Variants in TBC1D5 observed in about 807,000 individuals in gnomAD.
TBC1D5 encodes the protein TBC1 domain family, member 5.
Under a neutral mutation model 100.3 loss-of-function variants are expected in TBC1D5, and 75 were observed. That is an observed-to-expected ratio of 0.75 (90% CI 0.62 to 0.91). The LOEUF is 0.91. Ranked by LOEUF, TBC1D5 falls within the 40% of genes least tolerant of loss-of-function variation. TBC1D5 has a pLI of 0.00. For synonymous variants in TBC1D5, 323 were observed against 325.6 expected (o/e 0.99, Z 0.09); for missense variants, 910 against 942.4 (o/e 0.97, Z 0.45).
intron 13 of TBC1D5, among the ~76,000 whole-genome samples, chr3:17,329,211 T>C (rs965870550): frequency 6.6e-6 from 1 of 152,244 alleles, no homozygotes; most frequent in Non-Finnish European, 1.5e-5. Flanking sequence ...TGGTGATAAC[T>C]TGATTACTTC....
At chr3:17,693,858 T>C (rs1430814254) in intron 1 of TBC1D5, among the ~76,000 whole-genome samples, 1 of 152,002 alleles carries the variant, frequency 6.6e-6, no homozygotes, top group Non-Finnish European at 1.5e-5. Flanking sequence ...TATAAGCGGG[T>C]GCCCCTCTGG....
At chr3:17,410,240 T>C (rs2093886723) in intron 4 of TBC1D5, among the ~76,000 whole-genome samples, 2 of 152,168 alleles carry the variant, frequency 1.3e-5, no homozygotes, top group Non-Finnish European at 2.9e-5. Context: ...GCATATCTGT[T>C]TGCAACATGG....
intron 2 of TBC1D5, among the ~76,000 whole-genome samples, chr3:17,517,885 A>G (rs1239839596): frequency 6.6e-6 from 1 of 152,184 alleles, no homozygotes; most frequent in East Asian, 1.9e-4. Flanking sequence ...AAAAAAAATT[A>G]TATGTATTTC....
At chr3:17,520,363 TGAC>T (rs1224095129) in intron 2 of TBC1D5, among the ~76,000 whole-genome samples, 1 of 152,150 alleles carries the variant, frequency 6.6e-6, no homozygotes, top group East Asian at 1.9e-4. Context: ...GGAAGAGAAA[TGAC>T]GAAGAGAAAG....
chr3:17,222,528 C>G (rs1189970385), intron 17 of TBC1D5, among the ~76,000 whole-genome samples: 2 of 152,098 alleles, frequency 1.3e-5, no homozygotes, highest in Non-Finnish European at 2.9e-5. Context: ...GAATAAGATA[C>G]TAGTTCAAAA....
At chr3:17,727,102 G>C (rs1480388497) in intron 1 of TBC1D5, among the ~76,000 whole-genome samples, 1 of 152,196 alleles carries the variant, frequency 6.6e-6, no homozygotes, top group Admixed American at 6.5e-5. Flanking sequence ...ACAAAAATTG[G>C]CCGGACACAG....
intron 2 of TBC1D5, among the ~76,000 whole-genome samples, chr3:17,559,117 A>G (rs995195447): frequency 4.0e-5 from 6 of 149,666 alleles, no homozygotes; most frequent in Non-Finnish European, 5.9e-5. Flanking sequence ...TAAATAAATA[A>G]GACTTCATTT....
intron 3 of TBC1D5, among the ~76,000 whole-genome samples, chr3:17,455,996 C>T (rs1408262617): frequency 1.3e-5 from 2 of 152,092 alleles, no homozygotes; most frequent in Non-Finnish European, 2.9e-5. Flanking sequence ...CAAACCCACC[C>T]TCCTACATGG....
At chr3:17,288,320 T>C (rs1000540029) in intron 15 of TBC1D5, among the ~76,000 whole-genome samples, 5 of 152,200 alleles carry the variant, frequency 3.3e-5, no homozygotes, top group African/African-American at 1.2e-4. Context: ...TTCATTGTAA[T>C]GGTGGCAGAA....
At chr3:17,674,774 T>C (rs967361176) in intron 1 of TBC1D5, among the ~76,000 whole-genome samples, 2 of 152,040 alleles carry the variant, frequency 1.3e-5, no homozygotes, top group Non-Finnish European at 2.9e-5. Flanking sequence ...CAATAAAAGA[T>C]GGAAGTTGGG....
At chr3:17,701,328 G>C (rs945692346) in intron 1 of TBC1D5, among the ~76,000 whole-genome samples, 1 of 152,136 alleles carries the variant, frequency 6.6e-6, no homozygotes, top group Non-Finnish European at 1.5e-5. Flanking sequence ...GCCTGTTAGG[G>C]GGTAGGGGGC....
Position 17,702,537 on chromosome 3 carries a change from T to C in TBC1D5, c.-101+36806A>G, listed in dbSNP as rs544244556. Among the ~76,000 whole-genome samples the C allele has an allele frequency of 3.9e-5, 6 of 152,166 alleles. No individual in the cohort carries two copies. In the East Asian group the frequency reaches 9.6e-4, roughly 24 times the overall value. On this transcript the variant is annotated intron_variant, in intron 1 of 21. Transcript: ENST00000253692. ...AGGATACATAAATTGAATGTAACAATGTAAAGAGAAAAAGATGTCCAAAAT... is the reference window on the plus strand; with the variant it reads ...AGGATACATAAATTGAATGTAACAACGTAAAGAGAAAAAGATGTCCAAAAT...
intron 13 of TBC1D5, among the ~76,000 whole-genome samples, chr3:17,315,064 T>C (rs2084511485): frequency 1.3e-5 from 2 of 152,216 alleles, no homozygotes; most frequent in South Asian, 4.1e-4. Flanking sequence ...CTGATGCTGC[T>C]CGTGTGGGAA....
At chr3:17,206,290 GGATGA>G (rs908078857) in intron 18 of TBC1D5, among the ~76,000 whole-genome samples, 8 of 152,080 alleles carry the variant, frequency 5.3e-5, no homozygotes, top group Non-Finnish European at 7.4e-5. Context: ...CATCTCATGT[GGATGA>G]GATATTTTAA....
At chr3:17,157,404 A>G (rs2065677978) in exon 22 of TBC1D5, 1 of 152,250 alleles carries the variant, frequency 6.6e-6, no homozygotes, top group African/African-American at 2.4e-5. Context: ...AACTTTATAT[A>G]TCTTTTTAAC....
At chr3:17,308,101 G>A in exon 14 of TBC1D5, 1 of 1,601,968 alleles carries the variant, frequency 6.2e-7, no homozygotes, top group Non-Finnish European at 8.5e-7. Context: ...CCTGCAGGGG[G>A]AACTCTCGTC....
chr3:17,285,897 T>C (rs762377334), intron 15 of TBC1D5, among the ~76,000 whole-genome samples: 3 of 152,240 alleles, frequency 2.0e-5, no homozygotes, highest in South Asian at 2.1e-4. Flanking sequence ...TTGTACATTA[T>C]ATTTTTATAG....
At chr3:17,227,191 A>G (rs1044172862) in intron 17 of TBC1D5, among the ~76,000 whole-genome samples, 2 of 152,168 alleles carry the variant, frequency 1.3e-5, no homozygotes, top group Non-Finnish European at 2.9e-5. Flanking sequence ...CAGACAATTA[A>G]GAGTGTGAGC....
At chr3:17,254,766 T>TG (rs139693043) in intron 16 of TBC1D5, among the ~76,000 whole-genome samples, 11,813 of 73,088 alleles carry the variant, frequency 0.16, 1,164 homozygotes, top group East Asian at 0.29. Flanking sequence ...GTGGCGGGGG[T>TG]GGGGGGGGGG....
Sources: allele counts gnomAD v4.1 joint callset (sites outside exome capture counted in the v4.1 genomes callset), GRCh38; gene constraint gnomAD v4.1.1; transcripts MANE v1.5; gene names NCBI Gene and HGNC (gene_info 2026-07-23, HGNC 2026-07-21).